Variants in ARFGEF1 observed in about 807,000 individuals in gnomAD.
ARFGEF1 encodes the protein brefeldin A-inhibited guanine nucleotide-exchange protein 1.
A neutral mutation model predicts 231.0 loss-of-function variants in ARFGEF1; 42 were observed. The observed-to-expected ratio is 0.18, with a 90% CI of 0.14 to 0.24. The LOEUF is 0.24. Among genes scored for constraint, ARFGEF1 ranks in the 10% least tolerant of loss-of-function variants. ARFGEF1 has a pLI of 1.00. For missense variants in ARFGEF1, 1,345 were observed against 2,192.0 expected (o/e 0.61, Z 7.72); for synonymous variants, 710 against 732.3 (o/e 0.97, Z 0.49).
intron 5 of ARFGEF1, among the ~76,000 whole-genome samples, chr8:67,189,991 T>C (rs1218427384): frequency 6.6e-6 from 1 of 152,180 alleles, no homozygotes; most frequent in Admixed American, 6.5e-5. Flanking sequence ...ATTGGAACCC[T>C]CTTACAATGT....
intron 10 of ARFGEF1, among the ~76,000 whole-genome samples, chr8:67,269,618 T>C (rs1804991310): frequency 6.6e-6 from 1 of 152,148 alleles, no homozygotes. Context: ...CCCAAAGTGC[T>C]GGGATTACAG....
chr8:67,308,675 ATT>A (rs907676732), intron 1 of ARFGEF1, among the ~76,000 whole-genome samples: 11 of 152,128 alleles, frequency 7.2e-5, no homozygotes, highest in African/African-American at 2.7e-4. Context: ...ACAAGGACCT[ATT>A]TTTATAAGGC....
chr8:67,337,327 T>C (rs534490191), intron 1 of ARFGEF1, among the ~76,000 whole-genome samples: 2 of 152,250 alleles, frequency 1.3e-5, no homozygotes, highest in South Asian at 4.1e-4. Flanking sequence ...TGTCCCCCAT[T>C]GAGGTGAATG....
chr8:67,273,000 G>A (rs141549526), intron 9 of ARFGEF1, among the ~76,000 whole-genome samples: 2,470 of 152,024 alleles, frequency 0.016, 71 homozygotes, highest in African/African-American at 0.057. Flanking sequence ...CCAGCTACTC[G>A]GGAGGCTGAG....
chr8:67,277,286 G>A lies in ARFGEF1; in HGVS notation c.1199C>T (p.Thr400Ile). 6.2e-7 allele frequency: 1 copy of A among 1,613,128 alleles called. No individual in the cohort carries two copies. The highest frequency in any genetic ancestry group is 8.5e-7 in the Non-Finnish European group (1 of 1,179,478). Residue 400 changes from threonine (T) to isoleucine (I), a missense_variant, in exon 8 of 39, where the codon ACT becomes ATT. Transcript: ENST00000262215. The part of the protein sequence containing the change: ...DDRLSVSSND[T>I]QESGNSSGPS... ...TCCCCACCCCTCCATTTATACCTGA[G>A]TATCATTGGAAGAGACTGACAATCT...
intron 1 of ARFGEF1, among the ~76,000 whole-genome samples, chr8:67,314,168 GAAA>G (rs1807200383): frequency 6.6e-6 from 1 of 152,224 alleles, no homozygotes; most frequent in East Asian, 1.9e-4. Flanking sequence ...AAAGGAGCTT[GAAA>G]ACTTGCCTGA....
intron 23 of ARFGEF1, among the ~76,000 whole-genome samples, chr8:67,232,195 G>C (rs1229062434): frequency 6.6e-6 from 1 of 151,936 alleles, no homozygotes; most frequent in Non-Finnish European, 1.5e-5. Flanking sequence ...CACAAGTAGG[G>C]GGTGGGAGGA....
chr8:67,195,564 T>C (rs1837772697), downstream of ARFGEF1: 5 of 1,614,178 alleles, frequency 3.1e-6, no homozygotes, highest in East Asian at 8.9e-5. Context: ...CACTTTCACT[T>C]GGCAGGGCCT....
chr8:67,213,561 T>C, intron 33 of ARFGEF1, among the ~76,000 whole-genome samples: 1 of 152,220 alleles, frequency 6.6e-6, no homozygotes, highest in East Asian at 1.9e-4. Context: ...AATACCAATA[T>C]CCTATGTACT....
intron 7 of ARFGEF1, 84 bp downstream of exon 7, chr8:67,287,871 T>A (rs1379907093): frequency 1.0e-6 from 1 of 956,794 alleles, no homozygotes; most frequent in Non-Finnish European, 1.5e-6. Flanking sequence ...AATTTTGCCC[T>A]TTCTATTCCA....
At position 67,227,163 on chromosome 8, in the gene ARFGEF1, G is replaced by C; in HGVS notation, c.3890C>G (p.Ala1297Gly). The C allele has an allele frequency of 6.2e-7, 1 of 1,612,282 alleles. No individual in the cohort carries two copies. Among genetic ancestry groups the C allele is most frequent in the Non-Finnish European group, 8.5e-7 (1 of 1,178,976 alleles). The change falls in exon 27 of 39, where the codon GCA (alanine) becomes GGA (glycine). Residue 1297 changes from alanine (A) to glycine (G), a missense_variant. Physicochemically the swap from Ala to Gly is moderately conservative, Grantham distance 60. Around this residue, in one of 14 missense-constraint regions of ARFGEF1, gnomAD observed 142 missense variants for 227.3 expected, o/e 0.62. Transcript: ENST00000262215. ...GACAATGTGCCCGGTTGTTTGGAAT[G>C]CAAGTTCCACTATGCTTTCATCTTG... ...SDQDESIVEL[A>G]FQTTGHIVTL... is the part of the protein sequence containing the mutation.
In ARFGEF1 at chr8:67,236,365, AATATATATATATATATATATATATATAT is replaced by A. The variant is rs34297561; in HGVS notation, c.3289+1950_3289+1977del. ...GATATTAGTTAAAAAAAAAAAAAAA[AATATATATATATATATATATATATATAT>A]ATATATATATATATATATGTATCCA... On this transcript the variant is annotated intron_variant, in intron 22 of 38. Coordinates refer to ENST00000262215, the MANE Select transcript of ARFGEF1 (RefSeq NM_006421.5). 5.0e-3 allele frequency among the ~76,000 whole-genome samples: 146 copies of A among 29,076 alleles called. 5 individuals carry two copies. Among genetic ancestry groups the A allele is most frequent in the African/African-American group, 0.017 (128 of 7,614 alleles). The allele number at this position is 29,076 out of a possible 152,430, so 19.1% of individuals were successfully genotyped here.
In ARFGEF1 at chr8:67,343,345, G is replaced by C; in HGVS notation, c.-58C>G. On this transcript the variant is annotated 5_prime_UTR_variant, in exon 1 of 39. Transcript: ENST00000262215. ...CCCGCGGCTCCCAGCGGCTGGAGGG[G>C]AGGAGGAGGAGAGGAAGGAAGAGAA... The C allele has an allele frequency of 6.3e-7, 1 of 1,581,872 alleles. No individual in the cohort carries two copies. The highest frequency in any genetic ancestry group is 8.6e-7 in the Non-Finnish European group (1 of 1,161,570).
chr8:67,243,996 T>C (rs1840014697), intron 19 of ARFGEF1, among the ~76,000 whole-genome samples: 1 of 151,862 alleles, frequency 6.6e-6, no homozygotes, highest in African/African-American at 2.4e-5. Flanking sequence ...TCCCAGCACT[T>C]TGGGAGGCCG....
At chr8:67,290,055 C>T (rs909139667) in intron 6 of ARFGEF1, among the ~76,000 whole-genome samples, 7 of 152,290 alleles carry the variant, frequency 4.6e-5, no homozygotes, top group Non-Finnish European at 8.8e-5. Flanking sequence ...TCCAAAGTCA[C>T]GCAGCTGGTA....
chr8:67,341,574 G>A (rs1410959877), intron 1 of ARFGEF1, among the ~76,000 whole-genome samples: 1 of 152,074 alleles, frequency 6.6e-6, no homozygotes, highest in Non-Finnish European at 1.5e-5. Flanking sequence ...TTCAGTCTGG[G>A]TGACAGAGCA....
intron 33 of ARFGEF1, among the ~76,000 whole-genome samples, chr8:67,211,957 T>C (rs1838767019): frequency 6.6e-6 from 1 of 152,156 alleles, no homozygotes; most frequent in Non-Finnish European, 1.5e-5. Context: ...GGATCTTCTG[T>C]CACCCATGGA....
intron 1 of ARFGEF1, among the ~76,000 whole-genome samples, chr8:67,338,416 A>G (rs550791593): frequency 1.3e-5 from 2 of 152,350 alleles, no homozygotes; most frequent in African/African-American, 4.8e-5. Flanking sequence ...CAAACAATGA[A>G]AAAGGATCAC....
chr8:67,220,893 TTTTC>T (rs998596642), intron 29 of ARFGEF1, among the ~76,000 whole-genome samples: 6 of 127,536 alleles, frequency 4.7e-5, no homozygotes, highest in African/African-American at 1.7e-4. Flanking sequence ...CTTTTTTTCC[TTTTC>T]TTTTTTTTTT....
Sources: gnomAD v4.1 joint callset for allele counts (sites outside exome capture counted in the v4.1 genomes callset) on GRCh38, gnomAD v4.1.1 for gene constraint, gnomAD v4.1.1 regional missense constraint, MANE v1.5 for transcripts, NCBI Gene and HGNC (gene_info 2026-07-23, HGNC 2026-07-21) for gene names.